UNC13C: variants seen among roughly 807,000 people sequenced by gnomAD.
The protein encoded by UNC13C is protein unc-13 homolog C.
Under a neutral mutation model 245.4 loss-of-function variants are expected in UNC13C, and 174 were observed. That is an observed-to-expected ratio of 0.71 (90% CI 0.63 to 0.80). The LOEUF is 0.80. UNC13C is among the 30% of genes least tolerant of loss of function. UNC13C has a pLI of 0.00. For synonymous variants in UNC13C, 992 were observed against 895.1 expected (o/e 1.11, Z -1.93); for missense variants, 2,829 against 2,602.9 (o/e 1.09, Z -1.89).
intron 2 of UNC13C, among the ~76,000 whole-genome samples, chr15:54,089,022 A>G (rs527782602): frequency 6.6e-6 from 1 of 152,138 alleles, no homozygotes. Context: ...TAGTCCTGTC[A>G]CATACCACAG....
At chr15:54,377,775 A>G (rs1466483116) in intron 17 of UNC13C, among the ~76,000 whole-genome samples, 1 of 152,152 alleles carries the variant, frequency 6.6e-6, no homozygotes, top group Non-Finnish European at 1.5e-5. Context: ...TAATCCTCTT[A>G]TGGAGGGTTC....
rs375858921 is a variant in UNC13C at position 54,130,584 on chromosome 15, G to A, written c.2984-12434G>A. ...TAGGATTACAGGCGTGAGCCACTGC[G>A]CCCAGCCCATAATTAATTTTTAACA... On this transcript the variant is annotated intron_variant, in intron 2 of 32. Coordinates refer to ENST00000260323, the MANE Select transcript of UNC13C (RefSeq NM_001080534.3). 3.6e-4 allele frequency among the ~76,000 whole-genome samples: 55 copies of A among 152,130 alleles called. No individual in the cohort carries two copies. In the South Asian group the frequency reaches 9.1e-3, roughly 25 times the overall value.
At chr15:53,933,507 G>A in the UNC13C span, among the ~76,000 whole-genome samples, 3 of 152,206 alleles carry the variant, frequency 2.0e-5, no homozygotes, top group African/African-American at 7.2e-5. Context: ...CAGCACTGGG[G>A]GTGGATACAC....
At position 54,143,336 on chromosome 15, in the gene UNC13C, A is replaced by G. The variant is rs370129185; in HGVS notation, c.3007-284A>G. On this transcript the variant is annotated intron_variant, in intron 3 of 32. Coordinates refer to ENST00000260323, the MANE Select transcript of UNC13C (RefSeq NM_001080534.3). The stretch of plus-strand genomic sequence containing the variant: ...TAATCATGACCTTTCTGACTGATTC[A>G]TGATCTTCACTGTGCATATCAAGTT... Among the ~76,000 whole-genome samples the G allele has an allele frequency of 3.3e-5, 5 of 152,172 alleles. No individual in the cohort carries two copies. In the East Asian group the frequency reaches 9.6e-4, roughly 29 times the overall value.
intron 4 of UNC13C, among the ~76,000 whole-genome samples, chr15:54,187,934 C>G (rs200526499): frequency 6.6e-6 from 1 of 152,088 alleles, no homozygotes; most frequent in Admixed American, 6.6e-5. Context: ...CTCAGTCTCC[C>G]AAGTAGCTGG....
At position 54,580,952 on chromosome 15, in the gene UNC13C, T is replaced by G. The variant is rs560740388; in HGVS notation, c.6106+13005T>G. Reference sequence around the variant, plus strand: ...CCATGGTTGTCAAATAATCATATATTTATTGAACCTGTACTGTGCACAAAG... The same window carrying G: ...CCATGGTTGTCAAATAATCATATATGTATTGAACCTGTACTGTGCACAAAG... On this transcript the variant is annotated intron_variant, in intron 30 of 32. Coordinates refer to ENST00000260323, the MANE Select transcript of UNC13C (RefSeq NM_001080534.3). Among the ~76,000 whole-genome samples, 8 of 152,272 alleles carry G rather than the reference T, an allele frequency of 5.3e-5. No homozygotes were observed. The South Asian group carries it at 1.2e-3, about 24-fold the overall frequency.
chr15:54,131,634 G>A (rs7170578), intron 2 of UNC13C, among the ~76,000 whole-genome samples: 27 of 152,058 alleles, frequency 1.8e-4, no homozygotes, highest in African/African-American at 6.0e-4. Context: ...AGTCATCTCC[G>A]TTATCACACC....
At chr15:53,965,167 A>G in the UNC13C span, among the ~76,000 whole-genome samples, 1 of 152,152 alleles carries the variant, frequency 6.6e-6, no homozygotes, top group Non-Finnish European at 1.5e-5. Flanking sequence ...ATGTTTTATT[A>G]TGTAAAATTT....
intron 19 of UNC13C, among the ~76,000 whole-genome samples, chr15:54,452,664 G>A (rs191709145): frequency 5.3e-5 from 8 of 152,300 alleles, no homozygotes; most frequent in East Asian, 1.9e-4. Flanking sequence ...GTGGTCAGAC[G>A]GAGTGATCCT....
At chr15:54,412,705 G>A (rs1422967845) in intron 18 of UNC13C, among the ~76,000 whole-genome samples, 1 of 151,996 alleles carries the variant, frequency 6.6e-6, no homozygotes, top group African/African-American at 2.4e-5. Flanking sequence ...TTTTTAGTAT[G>A]CCATTTTTTA....
Position 54,338,583 on chromosome 15 carries a change from C to A in UNC13C, c.4713+94C>A. 4.4e-6 allele frequency: 6 copies of A among 1,370,982 alleles called. No homozygotes were observed. The East Asian group carries it at 9.3e-5, about 21-fold the overall frequency. The allele number at this position is 1,370,982 out of a possible 1,614,324, so 84.9% of individuals were successfully genotyped here. On this transcript the variant is annotated intron_variant, in intron 17 of 32. Transcript: ENST00000260323. ...ATAATAGTAAATAGAAAAGTATGTT[C>A]ATTTAATTTCACATTAACTGCAAAT...
chr15:54,086,595 T>C lies in UNC13C; in HGVS notation c.2984-56423T>C, dbSNP rs570666174. 1.6e-4 allele frequency among the ~76,000 whole-genome samples: 24 copies of C among 152,208 alleles called. No homozygotes were observed. In the East Asian group the frequency reaches 4.2e-3, roughly 27 times the overall value. On this transcript the variant is annotated intron_variant, in intron 2 of 32. Coordinates refer to ENST00000260323, the MANE Select transcript of UNC13C (RefSeq NM_001080534.3). ...TTGTTTTGTAATCTTAAGATGAAAG[T>C]TCAAAAGAGGGAGAGTGAAATGGCG...
intron 7 of UNC13C, among the ~76,000 whole-genome samples, chr15:54,242,780 CCATTTTTGATGCA>C (rs1373556226): frequency 1.3e-5 from 2 of 152,092 alleles, no homozygotes; most frequent in Non-Finnish European, 2.9e-5. Flanking sequence ...AACCATGTAT[CCATTTTTGATGCA>C]TAAGTACATA....
intron 28 of UNC13C, among the ~76,000 whole-genome samples, chr15:54,552,356 T>G (rs1337317659): frequency 8.7e-6 from 1 of 114,854 alleles, no homozygotes; most frequent in African/African-American, 3.3e-5. Flanking sequence ...ATATTATATA[T>G]TACAATGTAT....
At chr15:54,133,783 A>G (rs2031570040) in intron 2 of UNC13C, among the ~76,000 whole-genome samples, 5 of 152,300 alleles carry the variant, frequency 3.3e-5, no homozygotes, top group South Asian at 2.1e-4. Flanking sequence ...CTATCTATAT[A>G]CACAATATCT....
intron 19 of UNC13C, among the ~76,000 whole-genome samples, chr15:54,466,189 G>A (rs1231624844): frequency 1.3e-5 from 2 of 152,050 alleles, no homozygotes; most frequent in Non-Finnish European, 2.9e-5. Context: ...AGGTTGCAAA[G>A]GTGGGGAAAG....
intron 13 of UNC13C, among the ~76,000 whole-genome samples, chr15:54,314,078 A>G (rs935297626): frequency 2.0e-5 from 3 of 150,344 alleles, no homozygotes; most frequent in African/African-American, 7.3e-5. Flanking sequence ...GCATCAAAAA[A>G]AAAAAACAAA....
chr15:54,007,221 C>T (rs1009771162), intron 1 of UNC13C, among the ~76,000 whole-genome samples: 6 of 152,090 alleles, frequency 3.9e-5, no homozygotes, highest in African/African-American at 9.7e-5. Context: ...TAACACAGTC[C>T]AGGACACGTA....
chr15:54,588,696 C>T (rs1333113165), intron 30 of UNC13C, among the ~76,000 whole-genome samples: 3 of 152,162 alleles, frequency 2.0e-5, no homozygotes, highest in Admixed American at 2.0e-4. Context: ...CATTTGCATC[C>T]TTATAGCTTA....
Sources: gnomAD v4.1 joint callset for allele counts (sites outside exome capture counted in the v4.1 genomes callset) on GRCh38, gnomAD v4.1.1 for gene constraint, MANE v1.5 for transcripts, NCBI Gene and HGNC (gene_info 2026-07-23, HGNC 2026-07-21) for gene names.